PLCG2: variants seen among roughly 807,000 people sequenced by gnomAD.
PLCG2 encodes phospholipase C gamma 2, also known as 1-phosphatidylinositol 4,5-bisphosphate phosphodiesterase gamma-2.
A neutral mutation model predicts 175.6 loss-of-function variants in PLCG2; 69 were observed. The observed-to-expected ratio is 0.39, with a 90% confidence interval of 0.32 to 0.48. The LOEUF is 0.48. PLCG2 is among the 20% of genes least tolerant of loss of function. The probability of loss-of-function intolerance (pLI) is 0.91; values close to 1 mark genes in which losing one functional copy is unlikely to be tolerated. For missense variants in PLCG2, 1,798 were observed against 1,650.9 expected (o/e 1.09, Z -1.54); for synonymous variants, 827 against 624.0 (o/e 1.33, Z -4.85).
At chr16:81,886,549 C>G (rs772122177) in intron 9 of PLCG2, among the ~76,000 whole-genome samples, 2 of 152,114 alleles carry the variant, frequency 1.3e-5, no homozygotes, top group East Asian at 1.9e-4. Flanking sequence ...GGAATGAAAA[C>G]TTGGAAGTAA....
intron 1 of PLCG2, among the ~76,000 whole-genome samples, chr16:81,753,982 G>A (rs532494301): frequency 1.1e-3 from 173 of 152,176 alleles, no homozygotes; most frequent in African/African-American, 3.8e-3. Flanking sequence ...TGTGTGAGGC[G>A]CTGCCCTGTG....
intron 2 of PLCG2, among the ~76,000 whole-genome samples, chr16:81,811,813 A>C (rs1422914234): frequency 2.0e-5 from 3 of 152,142 alleles, no homozygotes; most frequent in Non-Finnish European, 4.4e-5. Flanking sequence ...TCTTGTGAAT[A>C]GTGCCGCAAT....
At chr16:81,858,630 G>A (rs1906808013) in intron 4 of PLCG2, among the ~76,000 whole-genome samples, 1 of 152,112 alleles carries the variant, frequency 6.6e-6, no homozygotes, top group African/African-American at 2.4e-5. Context: ...TATGTGCTGG[G>A]GGAAAACAGG....
At chr16:81,854,610 T>G (rs780320591) in intron 3 of PLCG2, 23 bp downstream of exon 3, 5 of 1,609,044 alleles carry the variant, frequency 3.1e-6, no homozygotes, top group Admixed American at 1.7e-5. Context: ...TTCTGTGCCT[T>G]TCTCCTTCCC....
intron 2 of PLCG2, among the ~76,000 whole-genome samples, chr16:81,803,451 C>G (rs1911833004): frequency 6.6e-6 from 1 of 152,092 alleles, no homozygotes. Flanking sequence ...TTTTGTTTAT[C>G]CATTCATCAC....
At chr16:81,843,412 G>A (rs766512307) in intron 2 of PLCG2, among the ~76,000 whole-genome samples, 7 of 152,186 alleles carry the variant, frequency 4.6e-5, no homozygotes, top group African/African-American at 7.2e-5. Context: ...ACACACTGGA[G>A]AGGAACATTT....
intron 2 of PLCG2, among the ~76,000 whole-genome samples, chr16:81,787,828 ATGTG>A (rs1397346480): frequency 4.6e-5 from 7 of 152,066 alleles, no homozygotes; most frequent in Admixed American, 2.0e-4. Context: ...GATCCTATGT[ATGTG>A]GGCTTTTGTG....
intron 2 of PLCG2, among the ~76,000 whole-genome samples, chr16:81,768,427 G>T (rs557286165): frequency 6.6e-6 from 1 of 152,138 alleles, no homozygotes; most frequent in Admixed American, 6.6e-5. Flanking sequence ...GAGTTTGCTG[G>T]GTCATATGGT....
intron 2 of PLCG2, among the ~76,000 whole-genome samples, chr16:81,812,814 T>C (rs751961753): frequency 1.6e-4 from 24 of 152,176 alleles, no homozygotes; most frequent in Non-Finnish European, 2.6e-4. Context: ...TTAGGTCTTA[T>C]GTTTAAGTCT....
At chr16:81,813,869 A>T (rs1196395772) in intron 2 of PLCG2, among the ~76,000 whole-genome samples, 3 of 152,208 alleles carry the variant, frequency 2.0e-5, no homozygotes, top group Non-Finnish European at 4.4e-5. Context: ...CAGAAGCCTG[A>T]AGCTTTTGCT....
chr16:81,854,743 C>G (rs574949483), intron 3 of PLCG2, among the ~76,000 whole-genome samples, 156 bp downstream of exon 3: 1 of 152,144 alleles, frequency 6.6e-6, no homozygotes, highest in Non-Finnish European at 1.5e-5. Flanking sequence ...AGCTGTGTGT[C>G]TTTAGGTGAG....
At chr16:81,885,879 C>A (rs944001175) in intron 9 of PLCG2, among the ~76,000 whole-genome samples, 37 of 152,052 alleles carry the variant, frequency 2.4e-4, no homozygotes, top group African/African-American at 8.7e-4. Flanking sequence ...TTCCTAGTGC[C>A]GGGGTTGAAT....
chr16:81,778,064 C>A (rs75313549), upstream of PLCG2, among the ~76,000 whole-genome samples: 5,469 of 49,866 alleles, frequency 0.11, 695 homozygotes, highest in African/African-American at 0.22. Context: ...ACAAAAAAAA[C>A]CAAAAACACA....
chr16:81,843,191 T>G (rs1369417085), intron 2 of PLCG2, among the ~76,000 whole-genome samples: 1 of 152,138 alleles, frequency 6.6e-6, no homozygotes, highest in African/African-American at 2.4e-5. Flanking sequence ...AAGTGTTGTT[T>G]CAGTCACTAT....
At chr16:81,795,452 A>C (rs9938212) in intron 2 of PLCG2, among the ~76,000 whole-genome samples, 64,776 of 151,972 alleles carry the variant, frequency 0.43, 13,976 homozygotes, top group South Asian at 0.52. Flanking sequence ...TTGCAGTAAC[A>C]AGTTATTTCT....
At chr16:81,938,977 G>A (rs1910829574) in intron 29 of PLCG2, 62 bp downstream of exon 29, 2 of 909,650 alleles carry the variant, frequency 2.2e-6, no homozygotes, top group Non-Finnish European at 3.6e-6. Flanking sequence ...CTTTGTGGGA[G>A]TGCTCTTCGT....
At chr16:81,945,050 A>G (rs1480454976) in intron 30 of PLCG2, among the ~76,000 whole-genome samples, 1 of 152,258 alleles carries the variant, frequency 6.6e-6, no homozygotes, top group Non-Finnish European at 1.5e-5. Flanking sequence ...ATGTCCATAC[A>G]GAAATGACAA....
Position 81,863,708 on chromosome 16 carries a change from A to G in PLCG2, c.479+4545A>G, listed in dbSNP as rs190962362. Reference sequence around the variant, plus strand: ...CAGTGCACAGGTTTCTGTTTTCTTCATATCCTCACCAACACTTACTTCCTT... The same window carrying G: ...CAGTGCACAGGTTTCTGTTTTCTTCGTATCCTCACCAACACTTACTTCCTT... On this transcript the variant is annotated intron_variant, in intron 5 of 32. Coordinates refer to ENST00000564138, the MANE Select transcript of PLCG2 (RefSeq NM_002661.5). 1.1e-3 allele frequency among the ~76,000 whole-genome samples: 166 copies of G among 152,298 alleles called. 1 individual carries two copies. Among genetic ancestry groups the G allele is most frequent in the African/African-American group, 3.9e-3 (162 of 41,550 alleles).
Position 81,860,168 on chromosome 16 carries a change from TA to T in PLCG2, c.479+1006del, listed in dbSNP as rs1331804257. Among the ~76,000 whole-genome samples the T allele has an allele frequency of 6.2e-3, 601 of 96,340 alleles. 4 individuals carry two copies. Among genetic ancestry groups the T allele is most frequent in the Non-Finnish European group, 9.8e-3 (407 of 41,476 alleles). 63.2% of individuals were successfully genotyped at this position (96,340 alleles called of 152,430 possible). A position where few individuals can be genotyped will look rare whatever the true frequency, so the allele number is the denominator to read the frequency against. On this transcript the variant is annotated intron_variant, in intron 5 of 32. Coordinates refer to ENST00000564138, the MANE Select transcript of PLCG2 (RefSeq NM_002661.5). ...CTATTATTATTATTATTATTATTAT[TA>T]TTATTTTTTTTTTTTTTTGTAAAGG...
Sources: gnomAD v4.1 joint callset for allele counts (sites outside exome capture counted in the v4.1 genomes callset) on GRCh38, gnomAD v4.1.1 for gene constraint, MANE v1.5 for transcripts, NCBI Gene and HGNC (gene_info 2026-07-23, HGNC 2026-07-21) for gene names.